Variants in CNTNAP2 observed in about 807,000 individuals in gnomAD.
CNTNAP2 encodes the protein contactin-associated protein-like 2.
Under a neutral mutation model 155.2 loss-of-function variants are expected in CNTNAP2, and 98 were observed. That is an observed-to-expected ratio of 0.63 (90% CI 0.54 to 0.75). The LOEUF is 0.75. Among genes scored for constraint, CNTNAP2 ranks in the 30% least tolerant of loss-of-function variants. The pLI is 0.00. For missense variants in CNTNAP2, 1,727 were observed against 1,688.1 expected, an observed-to-expected ratio of 1.02 and a Z score of -0.40; for synonymous variants, 651 against 631.2, an observed-to-expected ratio of 1.03 and a Z score of -0.47.
At chr7:146,325,795 T>G (rs1049946096) in intron 1 of CNTNAP2, among the ~76,000 whole-genome samples, 4 of 152,250 alleles carry the variant, frequency 2.6e-5, no homozygotes, top group Middle Eastern at 3.4e-3. Context: ...AACATTTAAA[T>G]TGGGTCAACA....
intron 1 of CNTNAP2, among the ~76,000 whole-genome samples, chr7:146,714,791 A>G (rs1323413291): frequency 6.6e-6 from 1 of 152,206 alleles, no homozygotes; most frequent in African/African-American, 2.4e-5. Flanking sequence ...AATTTCAACA[A>G]TATTCCTTCA....
At chr7:147,017,702 GT>G (rs1798748831) in intron 3 of CNTNAP2, among the ~76,000 whole-genome samples, 2 of 150,924 alleles carry the variant, frequency 1.3e-5, no homozygotes, top group African/African-American at 4.9e-5. Flanking sequence ...ACACTCTCAA[GT>G]CTAAATTTCA....
intron 3 of CNTNAP2, among the ~76,000 whole-genome samples, chr7:146,959,601 T>C (rs1797512746): frequency 6.7e-6 from 1 of 148,914 alleles, no homozygotes; most frequent in Admixed American, 6.8e-5. Flanking sequence ...ACACCTGTAA[T>C]CCCAGCTACT....
At chr7:147,227,721 C>A (rs1425657983) in intron 8 of CNTNAP2, among the ~76,000 whole-genome samples, 2 of 152,094 alleles carry the variant, frequency 1.3e-5, no homozygotes, top group African/African-American at 4.8e-5. Context: ...ATCAGGACTG[C>A]AAATTTAGGC....
chr7:147,480,770 C>T (rs1214749413), intron 10 of CNTNAP2, among the ~76,000 whole-genome samples: 1 of 152,130 alleles, frequency 6.6e-6, no homozygotes, highest in Non-Finnish European at 1.5e-5. Context: ...CTCCTTTGAG[C>T]CCCCGCTGCA....
intron 4 of CNTNAP2, among the ~76,000 whole-genome samples, chr7:147,086,176 T>C (rs1213560824): frequency 1.3e-5 from 2 of 152,122 alleles, no homozygotes; most frequent in Non-Finnish European, 2.9e-5. Flanking sequence ...GTGAACGTAG[T>C]GAAAATACAA....
chr7:147,603,314 C>T (rs1224304012), intron 12 of CNTNAP2, among the ~76,000 whole-genome samples: 3 of 152,102 alleles, frequency 2.0e-5, no homozygotes, highest in Non-Finnish European at 4.4e-5. Flanking sequence ...ATATCCTTTG[C>T]CCACTTGTTG....
intron 3 of CNTNAP2, among the ~76,000 whole-genome samples, chr7:147,011,284 C>T (rs943639860): frequency 1.3e-5 from 2 of 151,626 alleles, no homozygotes; most frequent in Admixed American, 6.6e-5. Flanking sequence ...CGTGGTGACA[C>T]ATGCCTATAA....
chr7:146,962,808 C>G (rs1051496429), intron 3 of CNTNAP2: 2 of 152,248 alleles, frequency 1.3e-5, no homozygotes, highest in African/African-American at 4.8e-5. Flanking sequence ...GCTTCGGCCT[C>G]CCAAAGTGCT....
intron 1 of CNTNAP2, among the ~76,000 whole-genome samples, chr7:146,697,247 A>C (rs11533983): frequency 4.2e-4 from 59 of 140,864 alleles, no homozygotes; most frequent in African/African-American, 1.7e-3. Context: ...TTATTTATTT[A>C]TTTATTTTGA....
intron 1 of CNTNAP2, among the ~76,000 whole-genome samples, chr7:146,283,208 T>C (rs1250430399): frequency 2.0e-5 from 3 of 152,224 alleles, no homozygotes; most frequent in Admixed American, 6.5e-5. Flanking sequence ...TTTGGTATTA[T>C]TGTGAAAACT....
At chr7:148,371,847 G>A (rs887507677) in intron 21 of CNTNAP2, among the ~76,000 whole-genome samples, 1 of 152,080 alleles carries the variant, frequency 6.6e-6, no homozygotes, top group South Asian at 2.1e-4. Context: ...TGTAGGCAAC[G>A]GTAACACAAC....
chr7:146,118,070 A>C (rs1425432567), intron 1 of CNTNAP2, among the ~76,000 whole-genome samples: 1 of 152,218 alleles, frequency 6.6e-6, no homozygotes, highest in Non-Finnish European at 1.5e-5. Context: ...GGATGTATTA[A>C]TGCATCTTTG....
At chr7:148,014,511 C>T (rs1186035591) in intron 15 of CNTNAP2, among the ~76,000 whole-genome samples, 1 of 152,114 alleles carries the variant, frequency 6.6e-6, no homozygotes, top group East Asian at 1.9e-4. Context: ...GGCCAATTTT[C>T]CTAAATCCAT....
intron 21 of CNTNAP2, among the ~76,000 whole-genome samples, chr7:148,348,798 C>T (rs1243327841): frequency 1.3e-5 from 2 of 152,224 alleles, no homozygotes; most frequent in Non-Finnish European, 1.5e-5. Context: ...GCTTCAATCA[C>T]ACAGATTTTG....
At chr7:147,407,520 T>G (rs1446465306) in intron 10 of CNTNAP2, among the ~76,000 whole-genome samples, 2 of 134,374 alleles carry the variant, frequency 1.5e-5, no homozygotes, top group African/African-American at 5.3e-5. Flanking sequence ...ACCATACACA[T>G]GAAGGCAAGT....
chr7:148,231,589 G>A (rs1385361296), intron 20 of CNTNAP2, among the ~76,000 whole-genome samples: 2 of 151,950 alleles, frequency 1.3e-5, no homozygotes, highest in Non-Finnish European at 2.9e-5. Flanking sequence ...TCTCTCTGAA[G>A]ACTGGATTAA....
chr7:147,433,771 C>T (rs1301425008), intron 10 of CNTNAP2, among the ~76,000 whole-genome samples: 7 of 152,120 alleles, frequency 4.6e-5, no homozygotes, highest in Admixed American at 2.6e-4. Context: ...CTACCTGGAA[C>T]TCTGTGAATG....
At chr7:147,315,302 C>T (rs536641780) in intron 9 of CNTNAP2, among the ~76,000 whole-genome samples, 1 of 150,714 alleles carries the variant, frequency 6.6e-6, no homozygotes, top group East Asian at 1.9e-4. Context: ...TCCGAATATT[C>T]ACAGAGTCTT....
Sources: allele counts gnomAD v4.1 joint callset (sites outside exome capture counted in the v4.1 genomes callset), GRCh38; gene constraint gnomAD v4.1.1; transcripts MANE v1.5; gene names NCBI Gene and HGNC (gene_info 2026-07-23, HGNC 2026-07-21).